The following RBFOX1 variants were observed in gnomAD, a reference collection of about 807,000 sequenced individuals.
RBFOX1 encodes the protein RNA binding fox-1 homolog 1, also known as RNA binding protein fox-1 homolog 1.
In RBFOX1, 8 loss-of-function variants were observed where a neutral mutation model predicts 57.7. That is an observed-to-expected ratio of 0.14 (90% CI 0.08 to 0.25). The LOEUF is 0.25. Among genes scored for constraint, RBFOX1 ranks in the 10% least tolerant of loss-of-function variants. RBFOX1 has a pLI of 1.00. For missense variants in RBFOX1, 611 were observed against 548.5 expected, an observed-to-expected ratio of 1.11 and a Z score of -1.14; for synonymous variants, 326 against 222.4, an observed-to-expected ratio of 1.47 and a Z score of -4.15.
At chr16:7,702,558 G>A (rs1434541028) in intron 14 of RBFOX1, among the ~76,000 whole-genome samples, 1 of 152,316 alleles carries the variant, frequency 6.6e-6, no homozygotes, top group East Asian at 1.9e-4. Flanking sequence ...TTTATTTCTA[G>A]TTGGATGAGA....
intron 2 of RBFOX1, among the ~76,000 whole-genome samples, chr16:6,499,941 G>C (rs2095867141): frequency 6.6e-6 from 1 of 152,144 alleles, no homozygotes; most frequent in Non-Finnish European, 1.5e-5. Context: ...GTTTTGAGAA[G>C]GGCTTTCTCT....
At chr16:6,764,176 C>T (rs561582135) in intron 3 of RBFOX1, among the ~76,000 whole-genome samples, 2 of 152,256 alleles carry the variant, frequency 1.3e-5, no homozygotes, top group South Asian at 2.1e-4. Context: ...CTCTAGGTGC[C>T]CTCAATATCT....
At chr16:6,913,515 T>A (rs981853657) in intron 3 of RBFOX1, among the ~76,000 whole-genome samples, 1 of 151,996 alleles carries the variant, frequency 6.6e-6, no homozygotes, top group Non-Finnish European at 1.5e-5. Context: ...TCATCTGCAG[T>A]GCCCGATGCC....
intron 1 of RBFOX1, among the ~76,000 whole-genome samples, chr16:5,374,646 T>G (rs1476396099): frequency 6.6e-6 from 1 of 150,528 alleles, no homozygotes; most frequent in Non-Finnish European, 1.5e-5. Context: ...GAGAGGGGAG[T>G]CTTTGAACAT....
At chr16:7,569,849 C>T (rs1023640034) in intron 5 of RBFOX1, among the ~76,000 whole-genome samples, 1 of 57,374 alleles carries the variant, frequency 1.7e-5, no homozygotes, top group Non-Finnish European at 4.3e-5. Flanking sequence ...TGGGAGTGAG[C>T]GCCTCTGTCT....
chr16:7,647,317 T>G (rs914630893), intron 11 of RBFOX1, among the ~76,000 whole-genome samples: 2 of 152,218 alleles, frequency 1.3e-5, no homozygotes, highest in Non-Finnish European at 2.9e-5. Flanking sequence ...ATTTTTAGCT[T>G]ATGAGCTGAA....
intron 3 of RBFOX1, among the ~76,000 whole-genome samples, chr16:6,812,814 G>C: frequency 6.6e-6 from 1 of 152,124 alleles, no homozygotes. Context: ...TACTCCATTA[G>C]GTTTTGCATA....
intron 3 of RBFOX1, among the ~76,000 whole-genome samples, chr16:6,833,953 A>G (rs950863895): frequency 1.3e-5 from 2 of 152,202 alleles, no homozygotes; most frequent in Non-Finnish European, 2.9e-5. Flanking sequence ...ACAAGGGGCT[A>G]GAGACATCAG....
chr16:5,365,908 A>T, intron 1 of RBFOX1: 1 of 500,220 alleles, frequency 2.0e-6, no homozygotes, highest in South Asian at 1.5e-5. Flanking sequence ...AATGATGAAA[A>T]GGAGCACCAG....
intron 1 of RBFOX1, among the ~76,000 whole-genome samples, chr16:6,169,222 T>C (rs1293695435): frequency 6.6e-6 from 1 of 152,112 alleles, no homozygotes; most frequent in Non-Finnish European, 1.5e-5. Context: ...AGATGGAACT[T>C]GAAAGCAAGA....
At chr16:5,659,747 C>T (rs2049585039) in intron 3 of RBFOX1, among the ~76,000 whole-genome samples, 1 of 152,118 alleles carries the variant, frequency 6.6e-6, no homozygotes, top group South Asian at 2.1e-4. Context: ...GAGTTTCGTC[C>T]AGTTACCAAG....
At chr16:7,004,068 T>G (rs2093082554) in intron 3 of RBFOX1, 1 of 151,718 alleles carries the variant, frequency 6.6e-6, no homozygotes, top group Non-Finnish European at 1.5e-5. Context: ...TACCACCTTC[T>G]CTGTATCATT....
At chr16:7,172,797 A>T (rs1349835939) in intron 4 of RBFOX1, among the ~76,000 whole-genome samples, 1 of 152,128 alleles carries the variant, frequency 6.6e-6, no homozygotes, top group African/African-American at 2.4e-5. Context: ...TGGCTTCCCA[A>T]TGTAGAGTTA....
intron 11 of RBFOX1, among the ~76,000 whole-genome samples, chr16:7,639,672 C>A (rs1284720436): frequency 6.6e-6 from 1 of 152,270 alleles, no homozygotes; most frequent in Middle Eastern, 3.4e-3. Context: ...TAACACCCAA[C>A]AGGAGACTTA....
chr16:5,640,815 C>A (rs1348185470), intron 3 of RBFOX1, among the ~76,000 whole-genome samples: 6 of 147,716 alleles, frequency 4.1e-5, no homozygotes, highest in Non-Finnish European at 7.5e-5. Context: ...CACATGCACA[C>A]CATGGATACA....
intron 3 of RBFOX1, among the ~76,000 whole-genome samples, chr16:5,787,757 G>T (rs920073588): frequency 6.6e-5 from 10 of 152,180 alleles, no homozygotes; most frequent in African/African-American, 2.4e-4. Context: ...AATGAGTTTG[G>T]AACAGTCAAG....
intron 1 of RBFOX1, among the ~76,000 whole-genome samples, chr16:6,051,075 C>T (rs1413464299): frequency 6.7e-6 from 1 of 150,176 alleles, no homozygotes; most frequent in Non-Finnish European, 1.5e-5. Context: ...CCGAGGAGAT[C>T]TGTTAGGTTG....
rs371836771 is a variant in RBFOX1, at chr16:6,854,726, C to T, written c.-15-197331C>T. 4.0e-5 allele frequency among the ~76,000 whole-genome samples: 6 copies of T among 151,340 alleles called. No homozygotes were observed. The East Asian group carries it at 5.9e-4, about 15-fold the overall frequency. The stretch of plus-strand genomic sequence containing the variant: ...TCTCCTGCGTCAGCCTCCCGAGTAG[C>T]TGGAACTACAGGCGCCTGCCATTGC... On this transcript the variant is annotated intron_variant, in intron 3 of 15. Transcript: ENST00000550418.
intron 3 of RBFOX1, among the ~76,000 whole-genome samples, chr16:6,666,540 C>CAAAAAAAAA (rs35935992): frequency 1.2e-5 from 1 of 81,464 alleles, no homozygotes; most frequent in Non-Finnish European, 2.7e-5. Flanking sequence ...ACTCTGTCTC[C>CAAAAAAAAA]AAAAAAAAAA....
Sources: gnomAD v4.1 joint callset for allele counts (sites outside exome capture counted in the v4.1 genomes callset) on GRCh38, gnomAD v4.1.1 for gene constraint, MANE v1.5 for transcripts, NCBI Gene and HGNC (gene_info 2026-07-23, HGNC 2026-07-21) for gene names.